DYM: variants seen among roughly 807,000 people sequenced by gnomAD.
The protein encoded by DYM is dymeclin, also known as dyggve-Melchior-Clausen syndrome protein.
A neutral mutation model predicts 93.1 loss-of-function variants in DYM; 78 were observed. The ratio of observed to expected loss-of-function variants is 0.84; its 90% CI spans 0.70 to 1.01. The LOEUF (loss-of-function observed/expected upper bound fraction) is 1.01, where lower values mean the gene tolerates loss of function less well. DYM is among the 50% of genes least tolerant of loss of function. The pLI is 0.00. For synonymous variants in DYM, 321 were observed against 319.7 expected (o/e 1.00, Z -0.04); for missense variants, 789 against 845.0 (o/e 0.93, Z 0.82).
At chr18:49,317,611 C>G (rs1411933842) in intron 8 of DYM, among the ~76,000 whole-genome samples, 1 of 36,954 alleles carries the variant, frequency 2.7e-5, no homozygotes, top group Non-Finnish European at 5.0e-5. Context: ...CCTCCCCCCT[C>G]CCTCCCTCCC....
intron 13 of DYM, among the ~76,000 whole-genome samples, chr18:49,242,714 T>C (rs1455217613): frequency 2.0e-5 from 3 of 152,218 alleles, no homozygotes; most frequent in African/African-American, 4.8e-5. Flanking sequence ...TGTTTTTGTT[T>C]TTTGAGACGG....
At chr18:49,225,155 C>T (rs2093484611) in intron 13 of DYM, among the ~76,000 whole-genome samples, 1 of 152,132 alleles carries the variant, frequency 6.6e-6, no homozygotes, top group South Asian at 2.1e-4. Context: ...CATTCACATG[C>T]ATTAAATATG....
chr18:49,326,304 T>C (rs1386025276), intron 8 of DYM, among the ~76,000 whole-genome samples: 1 of 152,200 alleles, frequency 6.6e-6, no homozygotes, highest in Admixed American at 6.5e-5. Flanking sequence ...ATTAGAAGAA[T>C]AGTTAAACTA....
chr18:49,335,769 C>T (rs899414762), intron 6 of DYM, among the ~76,000 whole-genome samples: 2 of 151,730 alleles, frequency 1.3e-5, no homozygotes, highest in Non-Finnish European at 2.9e-5. Flanking sequence ...TTTAGATAGG[C>T]AGATGGATGA....
chr18:49,369,767 G>C (rs1241215265), intron 5 of DYM, among the ~76,000 whole-genome samples: 3 of 151,924 alleles, frequency 2.0e-5, no homozygotes, highest in African/African-American at 7.3e-5. Context: ...TATTGAAACT[G>C]TTTTGTGCCA....
intron 14 of DYM, among the ~76,000 whole-genome samples, chr18:49,200,874 T>A (rs2091931569): frequency 6.6e-6 from 1 of 152,180 alleles, no homozygotes; most frequent in South Asian, 2.1e-4. Context: ...CACTTAAAGA[T>A]CTACTCTCCT....
chr18:49,287,349 A>T (rs1217550682), intron 8 of DYM, among the ~76,000 whole-genome samples: 3 of 150,048 alleles, frequency 2.0e-5, no homozygotes, highest in Non-Finnish European at 4.4e-5. Flanking sequence ...ATATATATAT[A>T]TTTTAAACTT....
intron 2 of DYM, among the ~76,000 whole-genome samples, chr18:49,426,519 C>T (rs1568425529): frequency 6.6e-6 from 1 of 151,076 alleles, no homozygotes; most frequent in African/African-American, 2.5e-5. Flanking sequence ...ATGTTGTGCA[C>T]GTGTACCCTA....
At chr18:49,459,955 G>C (rs1266333661) in intron 1 of DYM, among the ~76,000 whole-genome samples, 1 of 151,640 alleles carries the variant, frequency 6.6e-6, no homozygotes, top group Non-Finnish European at 1.5e-5. Flanking sequence ...TGGAGTTAAG[G>C]GTGGTGATGG....
At chr18:49,203,232 G>C (rs1296302196) in intron 14 of DYM, among the ~76,000 whole-genome samples, 1 of 47,570 alleles carries the variant, frequency 2.1e-5, no homozygotes, top group African/African-American at 5.4e-5. Context: ...GAGGTGGGGG[G>C]GGTCAGCCCC....
At chr18:49,187,875 T>C (rs1033486849) in intron 14 of DYM, among the ~76,000 whole-genome samples, 3 of 152,060 alleles carry the variant, frequency 2.0e-5, no homozygotes, top group Non-Finnish European at 4.4e-5. Flanking sequence ...AAAAACACAA[T>C]AGGTATTGAG....
At chr18:49,081,975 G>A (rs945362768) in intron 17 of DYM, among the ~76,000 whole-genome samples, 9 of 152,178 alleles carry the variant, frequency 5.9e-5, no homozygotes, top group African/African-American at 1.2e-4. Flanking sequence ...CTCACTCTTC[G>A]GTATCTTCAG....
chr18:49,459,725 C>T (rs969291885), intron 1 of DYM, among the ~76,000 whole-genome samples: 1 of 152,172 alleles, frequency 6.6e-6, no homozygotes, highest in Non-Finnish European at 1.5e-5. Flanking sequence ...CAGTAGAGAA[C>T]AGCTTTATCC....
intron 13 of DYM, among the ~76,000 whole-genome samples, chr18:49,248,696 A>G (rs1378093600): frequency 6.6e-6 from 1 of 152,220 alleles, no homozygotes; most frequent in Non-Finnish European, 1.5e-5. Flanking sequence ...TCTGCAATAA[A>G]AACATATCTT....
At chr18:49,424,480 C>A (rs1176648601) in intron 2 of DYM, among the ~76,000 whole-genome samples, 1 of 152,002 alleles carries the variant, frequency 6.6e-6, no homozygotes, top group African/African-American at 2.4e-5. Context: ...CCTTTGAAAA[C>A]TGGCACAGGA....
intron 14 of DYM, among the ~76,000 whole-genome samples, chr18:49,181,492 A>C (rs546602643): frequency 1.3e-5 from 2 of 152,270 alleles, no homozygotes; most frequent in South Asian, 4.1e-4. Flanking sequence ...AAGTGTTTTT[A>C]ATTTTGAATT....
At chr18:49,431,975 TC>T (rs1223088691) in intron 1 of DYM, 3 of 152,232 alleles carry the variant, frequency 2.0e-5, no homozygotes, top group African/African-American at 7.2e-5. Flanking sequence ...TTCAACTGAA[TC>T]ATAATTCAGC....
chr18:49,203,470 A>T (rs2145954284), intron 14 of DYM, among the ~76,000 whole-genome samples: 1 of 148,738 alleles, frequency 6.7e-6, no homozygotes, highest in South Asian at 2.1e-4. Flanking sequence ...TGTGTGAAAG[A>T]AGTAGACATG....
intron 15 of DYM, among the ~76,000 whole-genome samples, chr18:49,131,440 G>A (rs1405552951): frequency 6.6e-6 from 1 of 152,010 alleles, no homozygotes; most frequent in Non-Finnish European, 1.5e-5. Context: ...AGCCAGGCTG[G>A]TCTTGAACTC....
Sources: allele counts gnomAD v4.1 joint callset (sites outside exome capture counted in the v4.1 genomes callset), GRCh38; gene constraint gnomAD v4.1.1; transcripts MANE v1.5; gene names NCBI Gene and HGNC (gene_info 2026-07-23, HGNC 2026-07-21).